The following POLR2H variants were observed in gnomAD, a reference collection of about 807,000 sequenced individuals.
The protein encoded by POLR2H is DNA-directed RNA polymerases I, II, and III subunit RPABC3.
Under a neutral mutation model 18.1 loss-of-function variants are expected in POLR2H, and 3 were observed. The ratio of observed to expected loss-of-function variants is 0.17; its 90% CI spans 0.08 to 0.43. The LOEUF (loss-of-function observed/expected upper bound fraction) is 0.43, where lower values mean the gene tolerates loss of function less well. Ranked by LOEUF, POLR2H falls within the 20% of genes least tolerant of loss-of-function variation. POLR2H has a pLI of 0.99. For synonymous variants in POLR2H, 76 were observed against 69.0 expected, an observed-to-expected ratio of 1.10 and a Z score of -0.50; for missense variants, 103 against 184.6, an observed-to-expected ratio of 0.56 and a Z score of 2.56.
At chr3:184,367,363 A>G (rs1049907397) in intron 5 of POLR2H, among the ~76,000 whole-genome samples, 14 of 152,212 alleles carry the variant, frequency 9.2e-5, no homozygotes, top group African/African-American at 3.1e-4. Flanking sequence ...ACTTTTTTGC[A>G]TATCCTGGTG....
At position 184,361,726 on chromosome 3, in the gene POLR2H, C is replaced by A. The variant is rs572059009; in HGVS notation, c.-1041C>A. The A allele has an allele frequency of 2.2e-3, 433 of 195,810 alleles. 1 individual carries two copies. Among genetic ancestry groups the A allele is most frequent in the Non-Finnish European group, 3.8e-3 (373 of 97,850 alleles). The allele number at this position is 195,810 out of a possible 1,614,324, so 12.1% of individuals were successfully genotyped here. ...CGCCGGCCCATCCGGAGGGGACGGC[C>A]CAGCCAGGCTGGGGTCCGCGCGGGG... On this transcript the variant is annotated 5_prime_UTR_variant, in exon 1 of 6. Transcript: ENST00000456318. The surrounding 1 kb of genome is among the most constrained non-coding windows in gnomAD (Gnocchi z 6.6).
chr3:184,366,560 G>T (rs1444935015), intron 4 of POLR2H, 157 bp from the exon 5 acceptor site: 4 of 499,036 alleles, frequency 8.0e-6, no homozygotes, highest in South Asian at 4.1e-5. Flanking sequence ...GGATGGTCTC[G>T]ATCTCCTGAC....
Position 184,363,123 on chromosome 3 carries a change from C to G in POLR2H, c.-370C>G, listed in dbSNP as rs1235014037. On this transcript the variant is annotated 5_prime_UTR_variant, in exon 2 of 6. Transcript: ENST00000456318. ...GGTCCCTGCCTGGGTTAGGCCCCCACGCATTCCAGTCTTCGGAACCCGGCC... is the reference window on the plus strand; with the variant it reads ...GGTCCCTGCCTGGGTTAGGCCCCCAGGCATTCCAGTCTTCGGAACCCGGCC... 1 of 338,844 alleles carries G rather than the reference C, an allele frequency of 3.0e-6. No individual in the cohort carries two copies. Among genetic ancestry groups the G allele is most frequent in the East Asian group, 9.4e-5 (1 of 10,662 alleles). The allele number at this position is 338,844 out of a possible 1,614,324, so 21.0% of individuals were successfully genotyped here.
intron 2 of POLR2H, 136 bp downstream of exon 2, chr3:184,363,701 T>A: frequency 1.6e-6 from 1 of 642,542 alleles, no homozygotes; most frequent in Middle Eastern, 3.2e-4. Flanking sequence ...TCAGTAAACA[T>A]TTTATGGATG....
intron 2 of POLR2H, among the ~76,000 whole-genome samples, chr3:184,364,001 A>G (rs1707716326): frequency 6.6e-6 from 1 of 152,178 alleles, no homozygotes; most frequent in Admixed American, 6.5e-5. Context: ...CAGTGAGCCA[A>G]GATCGCGCCA....
At chr3:184,365,841 T>C (rs1205418972) in intron 4 of POLR2H, among the ~76,000 whole-genome samples, 1 of 150,238 alleles carries the variant, frequency 6.7e-6, no homozygotes, top group Non-Finnish European at 1.5e-5. Flanking sequence ...CCGGGCGTAG[T>C]GGCGGGCGCC....
chr3:184,365,960 A>G (rs1191951085), intron 4 of POLR2H, among the ~76,000 whole-genome samples: 46 of 147,040 alleles, frequency 3.1e-4, no homozygotes, highest in Admixed American at 7.5e-4. Context: ...TGGGCGACAG[A>G]GCGAGACTCC....
At chr3:184,365,700 G>A (rs1406463716) in intron 4 of POLR2H, among the ~76,000 whole-genome samples, 17 of 150,360 alleles carry the variant, frequency 1.1e-4, no homozygotes, top group Admixed American at 8.6e-4. Flanking sequence ...CGGGCCGGGC[G>A]CGGTGGCTCA....
chr3:184,361,746 G>A lies in POLR2H; in HGVS notation c.-1021G>A, dbSNP rs1712172084. On this transcript the variant is annotated 5_prime_UTR_variant, in exon 1 of 6. Transcript: ENST00000456318. The surrounding 1 kb of genome is among the most constrained non-coding windows in gnomAD (Gnocchi z 6.6). ...ACGGCCCAGCCAGGCTGGGGTCCGCGCGGGGCCTCCCGAGAGGCGGCAAGG... is the reference window on the plus strand; with the variant it reads ...ACGGCCCAGCCAGGCTGGGGTCCGCACGGGGCCTCCCGAGAGGCGGCAAGG... 1.1e-5 allele frequency: 2 copies of A among 179,882 alleles called. No individual in the cohort carries two copies. Among genetic ancestry groups the A allele is most frequent in the Non-Finnish European group, 2.3e-5 (2 of 87,084 alleles). The allele number at this position is 179,882 out of a possible 1,614,324, so 11.1% of individuals were successfully genotyped here.
At chr3:184,366,338 ATT>A (rs567119001) in intron 4 of POLR2H, among the ~76,000 whole-genome samples, 93 of 135,082 alleles carry the variant, frequency 6.9e-4, no homozygotes, top group Middle Eastern at 7.9e-3. Context: ...ACCAGTAACC[ATT>A]TTTTTTTTTT....
At position 184,362,480 on chromosome 3, in the gene POLR2H, G is replaced by A. The variant is rs770986407; in HGVS notation, c.-621+334G>A. ...AGGGCAGCGCCCAGGAAACGCACAA[G>A]TGTGCGGGAGAGCCAGCACCAGGAG... On this transcript the variant is annotated intron_variant, in intron 1 of 5. Coordinates refer to ENST00000456318, the MANE Select transcript of POLR2H (RefSeq NM_006232.5). This position sits in a 1 kb window ranked among gnomAD's most constrained non-coding sequence, Gnocchi z 5.9. 6.6e-6 allele frequency: 1 copy of A among 152,556 alleles called. No individual in the cohort carries two copies. Among genetic ancestry groups the A allele is most frequent in the Non-Finnish European group, 1.5e-5 (1 of 68,346 alleles). The allele number at this position is 152,556 out of a possible 1,614,324, so 9.5% of individuals were successfully genotyped here. A position where few individuals can be genotyped will look rare whatever the true frequency, so the allele number is the denominator to read the frequency against.
At position 184,366,734 on chromosome 3, in the gene POLR2H, A is replaced by G. The variant is rs1421171716; in HGVS notation, c.269A>G (p.Tyr90Cys). Residue 90 changes from tyrosine to cysteine, a missense_variant, in exon 5 of 6, where the codon TAT (tyrosine) becomes TGT (cysteine). By Grantham distance (194) the Tyr-to-Cys change is radical. Coordinates refer to ENST00000456318, the MANE Select transcript of POLR2H (RefSeq NM_006232.5). ...DRPSRADQFE[Y>C]VMYGKVYRIE... ...CTCCATAGGGCTGACCAGTTTGAGT[A>G]TGTAATGTATGGAAAAGTGTACAGG... The G allele has an allele frequency of 8.1e-6, 13 of 1,599,754 alleles. No homozygotes were observed. In the East Asian group the frequency reaches 2.0e-4, roughly 25 times the overall value.
chr3:184,363,366 C>T lies in POLR2H; in HGVS notation c.-127C>T, dbSNP rs1020830289. The T allele has an allele frequency of 5.2e-6, 4 of 771,496 alleles. No individual in the cohort carries two copies. In the Admixed American group the frequency reaches 6.1e-5, roughly 12 times the overall value. The allele number at this position is 771,496 out of a possible 1,614,324, so 47.8% of individuals were successfully genotyped here. ...CTTGTTTGTGCGCATGCGCCACTCT[C>T]GTCTGGCCGCCGCGCTTTCAGGAGG... On this transcript the variant is annotated 5_prime_UTR_variant, in exon 2 of 6. Coordinates refer to ENST00000456318, the MANE Select transcript of POLR2H (RefSeq NM_006232.5).
intron 4 of POLR2H, among the ~76,000 whole-genome samples, chr3:184,366,096 C>A (rs1253259829): frequency 6.6e-6 from 1 of 152,096 alleles, no homozygotes; most frequent in Non-Finnish European, 1.5e-5. Context: ...TGACCTAGGC[C>A]ATGTGGGTCT....
intron 4 of POLR2H, 137 bp from the exon 5 acceptor site, chr3:184,366,580 T>C (rs546333221): frequency 1.6e-5 from 9 of 550,954 alleles, no homozygotes; most frequent in South Asian, 3.8e-5. Context: ...CCTCGTGATC[T>C]GCCCGCCTTG....
Position 184,361,831 on chromosome 3 carries a change from C to G in POLR2H, c.-936C>G, listed in dbSNP as rs542712844. The stretch of plus-strand genomic sequence containing the variant: ...TGCGGATGCCCGGGTCGGAGAGGGG[C>G]GCCCGGGAGGGGCGGGTCTACTGGC... On this transcript the variant is annotated 5_prime_UTR_variant, in exon 1 of 6. Coordinates refer to ENST00000456318, the MANE Select transcript of POLR2H (RefSeq NM_006232.5). The surrounding 1 kb of genome is among the most constrained non-coding windows in gnomAD (Gnocchi z 6.6). 28 of 154,450 alleles carry G rather than the reference C, an allele frequency of 1.8e-4. No homozygotes were observed. Among genetic ancestry groups the G allele is most frequent in the African/African-American group, 6.7e-4 (28 of 41,550 alleles). The allele number at this position is 154,450 out of a possible 1,614,324, so 9.6% of individuals were successfully genotyped here.
At chr3:184,364,683 A>T in intron 2 of POLR2H, 1 of 495,072 alleles carries the variant, frequency 2.0e-6, no homozygotes, top group South Asian at 2.9e-5. Flanking sequence ...AAACCTTTGG[A>T]TGATTGAATA....
At chr3:184,366,003 C>G (rs1325363894) in intron 4 of POLR2H, among the ~76,000 whole-genome samples, 1 of 150,644 alleles carries the variant, frequency 6.6e-6, no homozygotes, top group East Asian at 2.0e-4. Context: ...GAAAAAAATT[C>G]AAACAACCAG....
chr3:184,366,188 G>T (rs1215013437), intron 4 of POLR2H, among the ~76,000 whole-genome samples: 1 of 152,000 alleles, frequency 6.6e-6, no homozygotes, highest in Non-Finnish European at 1.5e-5. Flanking sequence ...CCACTTATTT[G>T]TTGAGTAACC....
Sources: gnomAD v4.1 joint callset for allele counts (sites outside exome capture counted in the v4.1 genomes callset) on GRCh38, gnomAD v4.1.1 for gene constraint, Gnocchi (gnomAD v3.1) non-coding constraint, MANE v1.5 for transcripts, NCBI Gene and HGNC (gene_info 2026-07-23, HGNC 2026-07-21) for gene names.